Variants in SMYD3 observed in about 807,000 individuals in gnomAD.
SMYD3 encodes histone-lysine N-methyltransferase SMYD3.
A neutral mutation model predicts 57.7 loss-of-function variants in SMYD3; 36 were observed. The ratio of observed to expected loss-of-function variants is 0.62; its 90% CI spans 0.48 to 0.82. The LOEUF (loss-of-function observed/expected upper bound fraction) is 0.82. SMYD3 is among the 40% of genes least tolerant of loss of function. The pLI is 0.00. For synonymous variants in SMYD3, 211 were observed against 195.0 expected, an observed-to-expected ratio of 1.08 and a Z score of -0.68; for missense variants, 515 against 538.8, an observed-to-expected ratio of 0.96 and a Z score of 0.44.
intron 2 of SMYD3, among the ~76,000 whole-genome samples, chr1:246,347,337 A>G (rs147114404): frequency 0.01 from 1,558 of 152,336 alleles, 10 homozygotes; most frequent in Non-Finnish European, 0.016. Flanking sequence ...AAACTCAGAG[A>G]ACACCAAGAA....
At chr1:246,350,408 G>A (rs938173131) in intron 2 of SMYD3, among the ~76,000 whole-genome samples, 1 of 152,190 alleles carries the variant, frequency 6.6e-6, no homozygotes, top group African/African-American at 2.4e-5. Flanking sequence ...AGTTAACAAT[G>A]CAGCTAATCC....
chr1:246,039,803 C>T (rs2059837208), intron 5 of SMYD3, among the ~76,000 whole-genome samples: 1 of 152,020 alleles, frequency 6.6e-6, no homozygotes, highest in Admixed American at 6.6e-5. Context: ...GAGCCAAGGG[C>T]GCAGGTTCAG....
In SMYD3 at chr1:245,921,549, G is replaced by GTATATA. The variant is rs143521072; in HGVS notation, c.703-5915_703-5910dup. Among the ~76,000 whole-genome samples, 241 of 141,378 alleles carry GTATATA rather than the reference G, an allele frequency of 1.7e-3. 4 individuals are homozygous for GTATATA. The highest frequency in any genetic ancestry group is 4.5e-3 in the Admixed American group (65 of 14,288). The allele number at this position is 141,378 out of a possible 152,430, so 92.7% of individuals were successfully genotyped here. ...TCAACAGTGAGCTAAAAAATGTGGTGTATATATATATATATATATATACAC... is the reference window on the plus strand; with the variant it reads ...TCAACAGTGAGCTAAAAAATGTGGTGTATATATATATATATATATATATATATACAC... On this transcript the variant is annotated intron_variant, in intron 7 of 11. Coordinates refer to ENST00000490107, the MANE Select transcript of SMYD3 (RefSeq NM_001167740.2).
intron 10 of SMYD3, among the ~76,000 whole-genome samples, chr1:245,768,798 A>G (rs1269798266): frequency 6.6e-6 from 1 of 152,086 alleles, no homozygotes. Context: ...ACAAGACATC[A>G]TGTTGGAAAT....
intron 5 of SMYD3, among the ~76,000 whole-genome samples, chr1:246,046,979 A>T (rs1202788436): frequency 6.6e-6 from 1 of 152,090 alleles, no homozygotes; most frequent in Non-Finnish European, 1.5e-5. Flanking sequence ...AACAAACAGA[A>T]AATATTATTG....
In SMYD3 at chr1:246,396,360, A is replaced by G. The variant is rs145357117; in HGVS notation, c.165-41266T>C. Among the ~76,000 whole-genome samples, 4 of 152,178 alleles carry G rather than the reference A, an allele frequency of 2.6e-5. No homozygotes were observed. In the East Asian group the frequency reaches 7.7e-4, roughly 29 times the overall value. On this transcript the variant is annotated intron_variant, in intron 1 of 11. Coordinates refer to ENST00000490107, the MANE Select transcript of SMYD3 (RefSeq NM_001167740.2). ...CATTATCAAAGCTTTTTTGTTCCCA[A>G]CGGCTCACTTACTAATTATATATCA...
At chr1:246,373,544 A>C (rs1012648176) in intron 1 of SMYD3, among the ~76,000 whole-genome samples, 2 of 152,204 alleles carry the variant, frequency 1.3e-5, no homozygotes, top group African/African-American at 4.8e-5. Context: ...TACAATAATA[A>C]AATCAGTATC....
chr1:246,300,598 A>G (rs2064877569), intron 5 of SMYD3, among the ~76,000 whole-genome samples: 1 of 152,134 alleles, frequency 6.6e-6, no homozygotes, highest in Non-Finnish European at 1.5e-5. Context: ...TACTAAAAAC[A>G]TGAACTCTAA....
At chr1:246,097,283 G>A (rs928879225) in intron 5 of SMYD3, among the ~76,000 whole-genome samples, 2 of 152,052 alleles carry the variant, frequency 1.3e-5, no homozygotes, top group Non-Finnish European at 2.9e-5. Flanking sequence ...TAGGGAGGGG[G>A]TTACAAACTA....
At chr1:245,927,237 C>T (rs1237450868) in intron 7 of SMYD3, among the ~76,000 whole-genome samples, 1 of 152,234 alleles carries the variant, frequency 6.6e-6, no homozygotes, top group Non-Finnish European at 1.5e-5. Context: ...AGCTTAGGTT[C>T]AGAGCCCTGG....
intron 5 of SMYD3, among the ~76,000 whole-genome samples, chr1:245,934,347 A>G (rs1056451335): frequency 1.5e-4 from 23 of 152,192 alleles, no homozygotes; most frequent in Non-Finnish European, 3.1e-4. Flanking sequence ...CCTAGAACTA[A>G]TATTTCTCTA....
At chr1:246,260,324 T>C (rs74922334) in intron 5 of SMYD3, among the ~76,000 whole-genome samples, 6,759 of 152,320 alleles carry the variant, frequency 0.044, 239 homozygotes, top group African/African-American at 0.086. Context: ...CACCAGGATC[T>C]TTTTTATCCA....
At chr1:246,420,827 G>A (rs2067132957) in intron 1 of SMYD3, among the ~76,000 whole-genome samples, 1 of 152,202 alleles carries the variant, frequency 6.6e-6, no homozygotes, top group Admixed American at 6.5e-5. Flanking sequence ...AAAATCATTA[G>A]CTGGAAAGAT....
chr1:246,010,133 C>T (rs954860169), intron 5 of SMYD3, among the ~76,000 whole-genome samples: 11 of 149,786 alleles, frequency 7.3e-5, no homozygotes, highest in Non-Finnish European at 1.0e-4. Context: ...ACAACAAAAA[C>T]CCCAATATTT....
At position 245,821,401 on chromosome 1, in the gene SMYD3, T is replaced by C. The variant is rs1194676171; in HGVS notation, c.1076+37095A>G. Among the ~76,000 whole-genome samples the C allele has an allele frequency of 4.6e-5, 7 of 150,760 alleles. 1 individual carries two copies. The highest frequency in any genetic ancestry group is 7.4e-5 in the Non-Finnish European group (5 of 67,656). On this transcript the variant is annotated intron_variant, in intron 10 of 11. Transcript: ENST00000490107. ...ACCTTATAGAAAAATCAATTCAAGATTGATTAAAGACTTAAATGTTAGACC... is the reference window on the plus strand; with the variant it reads ...ACCTTATAGAAAAATCAATTCAAGACTGATTAAAGACTTAAATGTTAGACC...
intron 5 of SMYD3, chr1:246,053,210 T>A (rs1010499370): frequency 3.9e-5 from 6 of 151,964 alleles, no homozygotes; most frequent in Non-Finnish European, 5.9e-5. Context: ...AAAATTTTTT[T>A]AAAAAAAGGG....
rs150909074 is a variant in SMYD3, at chr1:245,811,697, G to A, written c.1076+46799C>T. ...CTTCCTAAACACAGATCAGTGAGGA[G>A]TGAACACATCTCTAATCACAAATGG... On this transcript the variant is annotated intron_variant, in intron 10 of 11. Transcript: ENST00000490107. Among the ~76,000 whole-genome samples the A allele has an allele frequency of 3.3e-5, 5 of 152,316 alleles. No homozygotes were observed. In the East Asian group the frequency reaches 5.8e-4, roughly 18 times the overall value.
chr1:246,491,811 T>C (rs1288021670), intron 1 of SMYD3, among the ~76,000 whole-genome samples: 2 of 152,204 alleles, frequency 1.3e-5, no homozygotes, highest in Non-Finnish European at 2.9e-5. Context: ...GAGGCACTGG[T>C]GTCCTTCTGT....
chr1:245,814,715 ATCT>A (rs977923132), intron 10 of SMYD3, among the ~76,000 whole-genome samples: 5 of 152,122 alleles, frequency 3.3e-5, no homozygotes, highest in Middle Eastern at 3.2e-3. Context: ...AAACTTTAAG[ATCT>A]TCTACTAGAC....
Sources: allele counts gnomAD v4.1 joint callset (sites outside exome capture counted in the v4.1 genomes callset), GRCh38; gene constraint gnomAD v4.1.1; transcripts MANE v1.5; gene names NCBI Gene and HGNC (gene_info 2026-07-23, HGNC 2026-07-21).